Variants in AHCTF1 observed in about 807,000 individuals in gnomAD.
AHCTF1 encodes AT-hook containing transcription factor 1.
Under a neutral mutation model 248.4 loss-of-function variants are expected in AHCTF1, and 24 were observed. The ratio of observed to expected loss-of-function variants is 0.10; its 90% CI spans 0.07 to 0.14. AHCTF1 has a LOEUF of 0.14. Ranked by LOEUF, AHCTF1 falls within the 10% of genes least tolerant of loss-of-function variation. AHCTF1 has a pLI of 1.00. For synonymous variants in AHCTF1, 786 were observed against 929.8 expected (o/e 0.85, Z 2.81); for missense variants, 2,206 against 2,636.2 (o/e 0.84, Z 3.57).
intron 8 of AHCTF1, among the ~76,000 whole-genome samples, chr1:246,900,933 T>C (rs768924275): frequency 1.3e-5 from 2 of 152,076 alleles, no homozygotes; most frequent in Non-Finnish European, 2.9e-5. Context: ...AGAAAAGTGC[T>C]TGGATGGTGC....
chr1:246,930,835 A>G (rs1360621557), intron 1 of AHCTF1, among the ~76,000 whole-genome samples: 11 of 152,168 alleles, frequency 7.2e-5, no homozygotes, highest in Admixed American at 5.9e-4. Flanking sequence ...AAATTTCTAC[A>G]ACTGACGATT....
chr1:246,897,004 C>A (rs1664629377), intron 12 of AHCTF1, among the ~76,000 whole-genome samples: 1 of 152,102 alleles, frequency 6.6e-6, no homozygotes, highest in Admixed American at 6.5e-5. Context: ...GAAGTTCTAC[C>A]ACATTGCAAT....
rs766778496 is a variant in AHCTF1, at chr1:246,894,689, C to T, written c.1774G>A (p.Val592Ile). The T allele has an allele frequency of 1.1e-5, 17 of 1,613,170 alleles. No homozygotes were observed. Among genetic ancestry groups the T allele is most frequent in the Non-Finnish European group, 1.4e-5 (17 of 1,179,882 alleles). ...FVLEWTWNKV[V>I]LTKEEFDRLC... ...CTGTCAAATTCCTCTTTTGTGAGAA[C>T]CACTTTATTCCACGTCCATTCAAGA... The change falls in exon 14 of 36, where the codon GTT becomes ATT. Residue 592 changes from valine to isoleucine, a missense_variant. By Grantham distance (29) the Val-to-Ile change is conservative. Transcript: ENST00000648844.
chr1:246,884,276 G>A (rs1460660137), intron 21 of AHCTF1, among the ~76,000 whole-genome samples: 1 of 152,124 alleles, frequency 6.6e-6, no homozygotes, highest in Non-Finnish European at 1.5e-5. Context: ...ACAAGCACTT[G>A]CTAATTCATT....
intron 21 of AHCTF1, among the ~76,000 whole-genome samples, chr1:246,877,634 T>C (rs1012550735): frequency 6.6e-6 from 1 of 152,176 alleles, no homozygotes; most frequent in African/African-American, 2.4e-5. Flanking sequence ...ATCAGGTTTT[T>C]AAGAAGTGAC....
At chr1:246,865,003 T>C (rs955887229) in intron 26 of AHCTF1, among the ~76,000 whole-genome samples, 1 of 152,208 alleles carries the variant, frequency 6.6e-6, no homozygotes, top group African/African-American at 2.4e-5. Flanking sequence ...TTCCGTAATG[T>C]CCTAGTCCCA....
chr1:246,876,220 C>T, intron 23 of AHCTF1, 33 bp from the exon 24 acceptor site: 2 of 1,521,364 alleles, frequency 1.3e-6, no homozygotes, highest in Non-Finnish European at 1.8e-6. Context: ...AAAAATTTAA[C>T]CTTCAAAATG....
At chr1:246,842,932 T>A (rs780009140) in intron 34 of AHCTF1, among the ~76,000 whole-genome samples, 156 bp from the exon 35 acceptor site, 1 of 152,210 alleles carries the variant, frequency 6.6e-6, no homozygotes, top group Non-Finnish European at 1.5e-5. Context: ...AGTAGAAACC[T>A]TAGTTATGCA....
At chr1:246,927,051 A>T (rs1212352825) in intron 1 of AHCTF1, among the ~76,000 whole-genome samples, 1 of 149,272 alleles carries the variant, frequency 6.7e-6, no homozygotes, top group Admixed American at 6.7e-5. Flanking sequence ...GGTGACGGGA[A>T]CCTGTAGTCC....
At chr1:246,922,274 T>G (rs995678907) in intron 1 of AHCTF1, among the ~76,000 whole-genome samples, 2 of 152,040 alleles carry the variant, frequency 1.3e-5, no homozygotes, top group Admixed American at 6.6e-5. Flanking sequence ...AAAGGAGAAT[T>G]GCTTGAACCC....
chr1:246,879,219 T>C (rs1405768281), intron 21 of AHCTF1, among the ~76,000 whole-genome samples: 5 of 152,140 alleles, frequency 3.3e-5, no homozygotes, highest in Non-Finnish European at 5.9e-5. Flanking sequence ...TCCATTATTA[T>C]AGTGAGACCA....
chr1:246,903,155 G>A (rs187897007), intron 7 of AHCTF1, among the ~76,000 whole-genome samples: 7 of 152,096 alleles, frequency 4.6e-5, no homozygotes, highest in African/African-American at 7.2e-5. Flanking sequence ...GTTTCTATAC[G>A]CCTCCAACAT....
intron 24 of AHCTF1, among the ~76,000 whole-genome samples, chr1:246,874,094 A>G (rs1662780055): frequency 6.6e-6 from 1 of 152,034 alleles, no homozygotes; most frequent in African/African-American, 2.4e-5. Flanking sequence ...AATATTTAGT[A>G]TTTTATAATC....
At chr1:246,879,959 T>C (rs774867561) in intron 21 of AHCTF1, among the ~76,000 whole-genome samples, 1 of 152,102 alleles carries the variant, frequency 6.6e-6, no homozygotes, top group Non-Finnish European at 1.5e-5. Context: ...CAAACTAAAG[T>C]GAAAAAAGTA....
At position 246,916,093 on chromosome 1, in the gene AHCTF1, G is replaced by A. The variant is rs1252529152; in HGVS notation, c.375+49C>T. On this transcript the variant is annotated intron_variant, in intron 3 of 35. Coordinates refer to ENST00000648844, the MANE Select transcript of AHCTF1 (RefSeq NM_001323342.2). ...AGTAACACACCTATATAACCAGCAG[G>A]GGTTCAGTTTTGAAAGAGAAATGTC... 4 of 1,576,664 alleles carry A rather than the reference G, an allele frequency of 2.5e-6. No individual in the cohort carries two copies. The African/African-American group carries it at 4.1e-5, about 16-fold the overall frequency.
chr1:246,867,232 A>T lies in AHCTF1; in HGVS notation c.3347+12T>A. On this transcript the variant is annotated intron_variant, in intron 26 of 35. Coordinates refer to ENST00000648844, the MANE Select transcript of AHCTF1 (RefSeq NM_001323342.2). The stretch of plus-strand genomic sequence containing the variant: ...ACATTGTGTCTCTAAGAATGATTTA[A>T]TAAACTCTTACCTAGAAATTTTTTG... The T allele has an allele frequency of 6.7e-7, 1 of 1,501,256 alleles. No homozygotes were observed. The highest frequency in any genetic ancestry group is 9.1e-7 in the Non-Finnish European group (1 of 1,094,210). The allele number at this position is 1,501,256 out of a possible 1,614,324, so 93.0% of individuals were successfully genotyped here. A position where few individuals can be genotyped will look rare whatever the true frequency, so the allele number is the denominator to read the frequency against.
chr1:246,887,430 G>T, intron 19 of AHCTF1, 73 bp from the exon 20 acceptor site: 2 of 1,411,408 alleles, frequency 1.4e-6, no homozygotes, highest in Non-Finnish European at 1.9e-6. Flanking sequence ...ACAATAGGTA[G>T]CAACAAAATG....
At chr1:246,922,534 C>G (rs1666615109) in intron 1 of AHCTF1, among the ~76,000 whole-genome samples, 1 of 151,068 alleles carries the variant, frequency 6.6e-6, no homozygotes, top group African/African-American at 2.4e-5. Context: ...CTAGCAATCT[C>G]TCGTCTCGTG....
rs191021623 is a variant in AHCTF1, at chr1:246,927,994, G to A, written c.-8+3584C>T. Among the ~76,000 whole-genome samples the A allele has an allele frequency of 9.9e-5, 15 of 151,784 alleles. No homozygotes were observed. The East Asian group carries it at 2.9e-3, about 29-fold the overall frequency. ...CAGCCTGGCGACAGAGCAAGACTCC[G>A]CCACCAAAAAATTAATTAATTAATT... On this transcript the variant is annotated intron_variant, in intron 1 of 35. Coordinates refer to ENST00000648844, the MANE Select transcript of AHCTF1 (RefSeq NM_001323342.2).
Sources: allele counts gnomAD v4.1 joint callset (sites outside exome capture counted in the v4.1 genomes callset), GRCh38; gene constraint gnomAD v4.1.1; transcripts MANE v1.5; gene names NCBI Gene and HGNC (gene_info 2026-07-23, HGNC 2026-07-21).